Variants in EXOC6B observed in about 807,000 individuals in gnomAD.
The protein encoded by EXOC6B is SEC15 homolog B.
Under a neutral mutation model 113.5 loss-of-function variants are expected in EXOC6B, and 54 were observed. That is an observed-to-expected ratio of 0.48 (90% CI 0.38 to 0.60). The LOEUF (loss-of-function observed/expected upper bound fraction) is 0.60. Among genes scored for constraint, EXOC6B ranks in the 20% least tolerant of loss-of-function variants. The pLI is 0.00. For missense variants in EXOC6B, 797 were observed against 977.5 expected, an observed-to-expected ratio of 0.82 and a Z score of 2.46; for synonymous variants, 357 against 339.0, an observed-to-expected ratio of 1.05 and a Z score of -0.58.
intron 19 of EXOC6B, chr2:72,354,327 G>A (rs1210791631): frequency 1.3e-5 from 2 of 152,128 alleles, no homozygotes; most frequent in African/African-American, 4.8e-5. Context: ...CCCTCATCAC[G>A]AACATTCTTG....
chr2:72,795,417 T>C (rs1684886702), intron 1 of EXOC6B, among the ~76,000 whole-genome samples: 5 of 151,844 alleles, frequency 3.3e-5, no homozygotes, highest in East Asian at 1.9e-4. Flanking sequence ...CTATTAAAAA[T>C]ACAAAAAAAT....
intron 20 of EXOC6B, among the ~76,000 whole-genome samples, chr2:72,185,422 G>C (rs1006696234): frequency 1.6e-4 from 24 of 152,358 alleles, no homozygotes; most frequent in Admixed American, 2.0e-4. Flanking sequence ...CAGTTTCTTA[G>C]AATAGCTGTT....
chr2:72,323,694 A>G (rs1687972769), intron 20 of EXOC6B, among the ~76,000 whole-genome samples: 1 of 152,170 alleles, frequency 6.6e-6, no homozygotes, highest in African/African-American at 2.4e-5. Flanking sequence ...AGGGACATAG[A>G]TGAAGCTGAA....
intron 6 of EXOC6B, among the ~76,000 whole-genome samples, chr2:72,589,501 A>G (rs1441524428): frequency 6.6e-6 from 1 of 151,434 alleles, no homozygotes; most frequent in Non-Finnish European, 1.5e-5. Context: ...CTGAGTATTC[A>G]GAATACTTAA....
In EXOC6B at chr2:72,477,873, AT is replaced by A. The variant is rs371504255; in HGVS notation, c.1800+2742del. Among the ~76,000 whole-genome samples the A allele has an allele frequency of 1.2e-3, 184 of 151,150 alleles. 1 individual carries two copies. The highest frequency in any genetic ancestry group is 4.1e-3 in the African/African-American group (170 of 41,158). ...ATTTCTCACTTCTTTTTGGTCATTT[AT>A]TTTTTTTTCCCTAGTTCTTATCACT... is the stretch of plus-strand genomic sequence containing the variant. On this transcript the variant is annotated intron_variant, in intron 17 of 21. Transcript: ENST00000272427.
intron 20 of EXOC6B, among the ~76,000 whole-genome samples, chr2:72,223,045 C>A (rs1324857889): frequency 6.6e-6 from 1 of 152,180 alleles, no homozygotes; most frequent in Admixed American, 6.5e-5. Context: ...TAAGATTCAT[C>A]TTCTCTGATC....
intron 18 of EXOC6B, among the ~76,000 whole-genome samples, chr2:72,386,905 G>A (rs1362013636): frequency 6.6e-6 from 1 of 152,070 alleles, no homozygotes; most frequent in Non-Finnish European, 1.5e-5. Context: ...TGTCCGTTTT[G>A]TGCCTAGGTT....
intron 18 of EXOC6B, among the ~76,000 whole-genome samples, chr2:72,384,023 G>A (rs1691846996): frequency 1.3e-5 from 2 of 151,954 alleles, no homozygotes. Context: ...AGAAGTGAGA[G>A]GATCAGAAAA....
chr2:72,261,200 A>G (rs1683690524), intron 20 of EXOC6B, among the ~76,000 whole-genome samples: 1 of 152,172 alleles, frequency 6.6e-6, no homozygotes, highest in Non-Finnish European at 1.5e-5. Flanking sequence ...ATCACTAAGA[A>G]GAAGGAAAAA....
At chr2:72,241,768 T>A (rs1682325590) in intron 20 of EXOC6B, among the ~76,000 whole-genome samples, 1 of 152,180 alleles carries the variant, frequency 6.6e-6, no homozygotes, top group Non-Finnish European at 1.5e-5. Flanking sequence ...ACAGAGATTA[T>A]CCTTCAAAAG....
intron 18 of EXOC6B, among the ~76,000 whole-genome samples, chr2:72,446,537 C>T (rs1696594735): frequency 6.6e-6 from 1 of 152,040 alleles, no homozygotes; most frequent in Admixed American, 6.6e-5. Context: ...AACCAAACAC[C>T]CATGTTCTCA....
intron 20 of EXOC6B, among the ~76,000 whole-genome samples, chr2:72,259,472 T>C (rs895647916): frequency 2.6e-5 from 4 of 152,234 alleles, no homozygotes; most frequent in Non-Finnish European, 5.9e-5. Context: ...TTTAAATTAC[T>C]AATGCAGTTG....
chr2:72,278,668 C>A (rs1392791789), intron 20 of EXOC6B, among the ~76,000 whole-genome samples: 2 of 152,154 alleles, frequency 1.3e-5, no homozygotes, highest in Admixed American at 1.3e-4. Flanking sequence ...ACTTTGGCAT[C>A]TGTTTCTCAT....
chr2:72,576,272 A>C (rs1179602756), intron 6 of EXOC6B, among the ~76,000 whole-genome samples: 1 of 152,134 alleles, frequency 6.6e-6, no homozygotes, highest in Admixed American at 6.5e-5. Flanking sequence ...GATCTGTGGA[A>C]AGCAGGGTTA....
chr2:72,784,447 A>G (rs1432810834), intron 1 of EXOC6B, among the ~76,000 whole-genome samples: 3 of 152,148 alleles, frequency 2.0e-5, no homozygotes, highest in Non-Finnish European at 4.4e-5. Flanking sequence ...GTATTAGTCC[A>G]TTTTTACACA....
intron 17 of EXOC6B, among the ~76,000 whole-genome samples, chr2:72,466,246 G>A (rs536568372): frequency 6.3e-4 from 95 of 151,708 alleles, no homozygotes; most frequent in Non-Finnish European, 1.2e-3. Context: ...TCAGGAGGCT[G>A]AGGCAGGAGA....
rs1254377634 is a variant in EXOC6B at position 72,773,120 on chromosome 2, C to CTTTTTTTTTTTTTTT, written c.114-31666_114-31652dup. Among the ~76,000 whole-genome samples, 18 of 94,892 alleles carry CTTTTTTTTTTTTTTT rather than the reference C, an allele frequency of 1.9e-4. 3 individuals are homozygous for CTTTTTTTTTTTTTTT. The highest frequency in any genetic ancestry group is 6.6e-4 in the African/African-American group (14 of 21,324). The allele number at this position is 94,892 out of a possible 152,430, so 62.3% of individuals were successfully genotyped here. A position where few individuals can be genotyped will look rare whatever the true frequency, so the allele number is the denominator to read the frequency against. ...GCTAAGACAGTAGACCTTAGATTTT[C>CTTTTTTTTTTTTTTT]TTTTTTTTTTTTTTTTTTTTTTGTG... On this transcript the variant is annotated intron_variant, in intron 1 of 21. Transcript: ENST00000272427.
chr2:72,480,243 G>C (rs1222993472), intron 17 of EXOC6B, among the ~76,000 whole-genome samples: 1 of 151,982 alleles, frequency 6.6e-6, no homozygotes, highest in African/African-American at 2.4e-5. Context: ...GAGAGCAGGG[G>C]ACAGCTTAGT....
intron 20 of EXOC6B, among the ~76,000 whole-genome samples, chr2:72,269,352 T>C (rs987016620): frequency 5.9e-5 from 9 of 152,178 alleles, no homozygotes; most frequent in Non-Finnish European, 1.3e-4. Context: ...GTGTAAAGAA[T>C]TCTGAACAGA....
Sources: gnomAD v4.1 joint callset for allele counts (sites outside exome capture counted in the v4.1 genomes callset) on GRCh38, gnomAD v4.1.1 for gene constraint, MANE v1.5 for transcripts, NCBI Gene and HGNC (gene_info 2026-07-23, HGNC 2026-07-21) for gene names.